DENND1A: variants seen among roughly 807,000 people sequenced by gnomAD.
DENND1A encodes the protein DENN domain-containing protein 1A.
DENND1A carries 51 observed loss-of-function variants against 113.7 expected under a neutral mutation model. The observed-to-expected ratio is 0.45, with a 90% CI of 0.36 to 0.57. The LOEUF is 0.57. Ranked by LOEUF, DENND1A falls within the 20% of genes least tolerant of loss-of-function variation. The pLI is 0.00. For synonymous variants in DENND1A, 565 were observed against 570.8 expected, an observed-to-expected ratio of 0.99 and a Z score of 0.14; for missense variants, 1,258 against 1,395.9, an observed-to-expected ratio of 0.90 and a Z score of 1.57.
chr9:123,470,827 C>T (rs1355581566), intron 13 of DENND1A, among the ~76,000 whole-genome samples: 1 of 152,168 alleles, frequency 6.6e-6, no homozygotes, highest in Non-Finnish European at 1.5e-5. Context: ...TATTTATTAG[C>T]CCCATGACTC....
At chr9:123,693,037 G>T (rs2140430053) in intron 5 of DENND1A, among the ~76,000 whole-genome samples, 1 of 152,224 alleles carries the variant, frequency 6.6e-6, no homozygotes, top group African/African-American at 2.4e-5. Flanking sequence ...CAAAGCTCAT[G>T]ATCCTTTTTC....
chr9:123,861,923 C>G (rs935028716), intron 2 of DENND1A, among the ~76,000 whole-genome samples: 1 of 152,014 alleles, frequency 6.6e-6, no homozygotes, highest in Non-Finnish European at 1.5e-5. Flanking sequence ...TTTTTAAATG[C>G]ACAACACAAA....
chr9:123,415,620 A>C (rs965983977), intron 19 of DENND1A, among the ~76,000 whole-genome samples: 2 of 152,146 alleles, frequency 1.3e-5, no homozygotes, highest in Admixed American at 1.3e-4. Context: ...GATTGTGTGC[A>C]GGGCCCTCCT....
At chr9:123,819,321 C>T (rs1838085672) in intron 2 of DENND1A, among the ~76,000 whole-genome samples, 1 of 152,126 alleles carries the variant, frequency 6.6e-6, no homozygotes, top group Non-Finnish European at 1.5e-5. Flanking sequence ...GGCTGAATCC[C>T]TCACAAATCG....
In DENND1A at chr9:123,813,794, C is replaced by T. The variant is rs548820611; in HGVS notation, c.89-21164G>A. Among the ~76,000 whole-genome samples, 16 of 151,794 alleles carry T rather than the reference C, an allele frequency of 1.1e-4. No individual in the cohort carries two copies. In the East Asian group the frequency reaches 1.2e-3, roughly 11 times the overall value. Reference sequence around the variant, plus strand: ...AAGATACCAAGTTTTAAGAGAGTTTCGTGCAGACTCACAAACAAACTTTTT... The same window carrying T: ...AAGATACCAAGTTTTAAGAGAGTTTTGTGCAGACTCACAAACAAACTTTTT... On this transcript the variant is annotated intron_variant, in intron 2 of 23. Transcript: ENST00000394215.
intron 6 of DENND1A, among the ~76,000 whole-genome samples, chr9:123,673,773 T>C (rs1048773766): frequency 2.0e-5 from 3 of 152,232 alleles, no homozygotes; most frequent in African/African-American, 4.8e-5. Context: ...CAATCCAATA[T>C]AGAAATTATT....
intron 8 of DENND1A, among the ~76,000 whole-genome samples, chr9:123,664,692 T>C (rs1037545170): frequency 7.9e-5 from 12 of 152,184 alleles, no homozygotes; most frequent in African/African-American, 2.9e-4. Flanking sequence ...TCATCTTTGA[T>C]CCAACTGCTA....
chr9:123,472,696 C>G (rs1451581108), intron 13 of DENND1A, among the ~76,000 whole-genome samples: 6 of 152,106 alleles, frequency 3.9e-5, no homozygotes, highest in African/African-American at 1.4e-4. Context: ...TCAGTGCCTG[C>G]AGAAGCAAGC....
At chr9:123,823,060 T>A (rs542721724) in intron 2 of DENND1A, among the ~76,000 whole-genome samples, 1 of 152,334 alleles carries the variant, frequency 6.6e-6, no homozygotes, top group Non-Finnish European at 1.5e-5. Flanking sequence ...CAACAGATAC[T>A]TATTGTGTAC....
intron 10 of DENND1A, among the ~76,000 whole-genome samples, chr9:123,624,595 A>G (rs2061115070): frequency 6.6e-6 from 1 of 152,254 alleles, no homozygotes; most frequent in Non-Finnish European, 1.5e-5. Context: ...TTACAGAAAC[A>G]GAAACTTCCA....
intron 1 of DENND1A, among the ~76,000 whole-genome samples, chr9:123,901,151 G>C (rs1279420391): frequency 6.6e-6 from 1 of 152,162 alleles, no homozygotes; most frequent in Non-Finnish European, 1.5e-5. Flanking sequence ...TGTTCAGATT[G>C]GTCTTCTGGA....
At chr9:123,740,334 TCTAA>T (rs1183175661) in intron 5 of DENND1A, among the ~76,000 whole-genome samples, 1 of 152,200 alleles carries the variant, frequency 6.6e-6, no homozygotes, top group Non-Finnish European at 1.5e-5. Flanking sequence ...AAATATATTT[TCTAA>T]CTATCTAATC....
At chr9:123,700,902 T>C (rs1334667707) in intron 5 of DENND1A, among the ~76,000 whole-genome samples, 3 of 152,236 alleles carry the variant, frequency 2.0e-5, no homozygotes. Flanking sequence ...GTATTTTCAG[T>C]GCACAGGTCA....
intron 18 of DENND1A, among the ~76,000 whole-genome samples, chr9:123,447,395 G>A (rs551053453): frequency 6.6e-6 from 1 of 152,268 alleles, no homozygotes; most frequent in South Asian, 2.1e-4. Flanking sequence ...CAGATATCCT[G>A]AAAGCTCCGA....
Position 123,583,201 on chromosome 9 carries a change from A to AG in DENND1A, c.834dup (p.Phe279LeufsTer3). The AG allele has an allele frequency of 1.2e-6, 2 of 1,612,928 alleles. No individual in the cohort carries two copies. Among genetic ancestry groups the AG allele is most frequent in the African/African-American group, 1.3e-5 (1 of 74,964 alleles). The stretch of plus-strand genomic sequence containing the variant: ...TTTGGGAGGCTCTGGAGGTCATCGA[A>AG]GGGGGTTTCCAGGGTGTTGGTGTCC... On this transcript the variant is annotated frameshift_variant, in exon 12 of 24. Transcript: ENST00000394215. LOFTEE classifies it high-confidence loss of function.
At chr9:123,517,900 T>C (rs560560859) in intron 13 of DENND1A, among the ~76,000 whole-genome samples, 37 of 152,178 alleles carry the variant, frequency 2.4e-4, no homozygotes, top group Non-Finnish European at 4.9e-4. Flanking sequence ...CTCTGGGTGG[T>C]GGAAATGTGA....
chr9:123,459,297 C>G (rs1045157085), intron 13 of DENND1A, among the ~76,000 whole-genome samples: 2 of 152,214 alleles, frequency 1.3e-5, no homozygotes, highest in Admixed American at 6.5e-5. Context: ...TGGCCACCTC[C>G]TCATCCCCCA....
intron 5 of DENND1A, among the ~76,000 whole-genome samples, chr9:123,700,524 G>C (rs1023743863): frequency 6.6e-6 from 1 of 152,142 alleles, no homozygotes; most frequent in Non-Finnish European, 1.5e-5. Flanking sequence ...AAAATTTGTA[G>C]GGCAGGCCAG....
At chr9:123,519,432 T>C (rs1473240403) in intron 13 of DENND1A, among the ~76,000 whole-genome samples, 3 of 131,148 alleles carry the variant, frequency 2.3e-5, no homozygotes, top group Admixed American at 8.7e-5. Context: ...TGGGTCCTCA[T>C]ATCTTTTTAA....
Sources: gnomAD v4.1 joint callset for allele counts (sites outside exome capture counted in the v4.1 genomes callset) on GRCh38, gnomAD v4.1.1 for gene constraint, MANE v1.5 for transcripts, NCBI Gene and HGNC (gene_info 2026-07-23, HGNC 2026-07-21) for gene names.